The following ACTR3C variants were observed in gnomAD, a reference collection of about 807,000 sequenced individuals.
ACTR3C encodes the protein actin-related protein 3C.
Under a neutral mutation model 26.3 loss-of-function variants are expected in ACTR3C, and 18 were observed. That is an observed-to-expected ratio of 0.68 (90% CI 0.47 to 1.01). ACTR3C has a LOEUF of 1.01. Among genes scored for constraint, ACTR3C ranks in the 50% least tolerant of loss-of-function variants. ACTR3C has a pLI of 0.00. For synonymous variants in ACTR3C, 55 were observed against 94.5 expected, an observed-to-expected ratio of 0.58 and a Z score of 2.42; for missense variants, 184 against 250.7, an observed-to-expected ratio of 0.73 and a Z score of 1.80.
At chr7:149,934,664 G>A in the ACTR3C span, among the ~76,000 whole-genome samples, 1 of 150,084 alleles carries the variant, frequency 6.7e-6, no homozygotes, top group African/African-American at 2.5e-5. Flanking sequence ...CTCAGTTCTA[G>A]ACCAAGGCCT....
chr7:150,239,561 T>TATAA (rs1554447200), downstream of ACTR3C, among the ~76,000 whole-genome samples: 5 of 137,728 alleles, frequency 3.6e-5, no homozygotes, highest in Non-Finnish European at 7.6e-5. Context: ...TATATATATA[T>TATAA]AATTTATTAT....
the ACTR3C span, among the ~76,000 whole-genome samples, chr7:149,972,939 G>C: frequency 6.6e-6 from 1 of 150,984 alleles, no homozygotes; most frequent in Non-Finnish European, 1.5e-5. Context: ...CAGCATGTCT[G>C]TCCCAGGTAA....
At chr7:149,990,666 C>T in the ACTR3C span, among the ~76,000 whole-genome samples, 1,106 of 145,766 alleles carry the variant, frequency 7.6e-3, 9 homozygotes, top group African/African-American at 0.027. Context: ...CCAGGTAATG[C>T]TATGGGAGCA....
chr7:149,996,226 A>G, the ACTR3C span, among the ~76,000 whole-genome samples: 2 of 152,050 alleles, frequency 1.3e-5, no homozygotes, highest in African/African-American at 4.8e-5. Context: ...AAAGGGACGG[A>G]GTAAAGGAGG....
At chr7:150,219,720 C>T in the ACTR3C span, among the ~76,000 whole-genome samples, 1 of 142,918 alleles carries the variant, frequency 7.0e-6, no homozygotes, top group Non-Finnish European at 1.5e-5. Flanking sequence ...TCACTAATTT[C>T]CTGGAAATAA....
At chr7:150,040,729 A>C in the ACTR3C span, 3 of 146,462 alleles carry the variant, frequency 2.0e-5, no homozygotes, top group Non-Finnish European at 3.0e-5. Flanking sequence ...GTTCCTAAGG[A>C]TCTTAGGATC....
chr7:150,273,261 T>C (rs1834589185), intron 6 of ACTR3C, among the ~76,000 whole-genome samples: 1 of 136,842 alleles, frequency 7.3e-6, no homozygotes, highest in African/African-American at 3.2e-5. Context: ...TTTATTTCAC[T>C]GCTTATAGAG....
chr7:150,202,309 C>T, the ACTR3C span, among the ~76,000 whole-genome samples: 4 of 151,838 alleles, frequency 2.6e-5, no homozygotes, highest in African/African-American at 4.8e-5. Flanking sequence ...AAATATATTT[C>T]GGTTTTTGCT....
chr7:150,016,704 G>T, the ACTR3C span, among the ~76,000 whole-genome samples: 1 of 152,046 alleles, frequency 6.6e-6, no homozygotes, highest in South Asian at 2.1e-4. Context: ...CACCAAGACA[G>T]GTAGATCTCT....
At chr7:150,168,367 G>T in the ACTR3C span, among the ~76,000 whole-genome samples, 43 of 150,662 alleles carry the variant, frequency 2.9e-4, no homozygotes, top group Non-Finnish European at 5.0e-4. Flanking sequence ...CTCCTTATGA[G>T]AATCTAATAC....
intron 5 of ACTR3C, 34 bp from the exon 6 acceptor site, chr7:150,284,879 A>C (rs771822056): frequency 1.3e-6 from 2 of 1,585,184 alleles, no homozygotes; most frequent in Non-Finnish European, 1.7e-6. Context: ...GAAACATTAC[A>C]CATTTCTCTC....
intron 6 of ACTR3C, among the ~76,000 whole-genome samples, chr7:150,255,667 G>A (rs1300803666): frequency 6.6e-6 from 1 of 152,068 alleles, no homozygotes; most frequent in East Asian, 1.9e-4. Flanking sequence ...CATTTGCAGT[G>A]GCATGTCTTT....
chr7:150,196,944 A>G, the ACTR3C span, among the ~76,000 whole-genome samples: 1 of 152,200 alleles, frequency 6.6e-6, no homozygotes, highest in African/African-American at 2.4e-5. Flanking sequence ...TGTGGTTCTG[A>G]GCCTAGAATA....
At chr7:150,008,885 G>A in the ACTR3C span, among the ~76,000 whole-genome samples, 41 of 151,644 alleles carry the variant, frequency 2.7e-4, no homozygotes, top group Non-Finnish European at 1.2e-4. Context: ...CGGGGCTCCC[G>A]CAAGTCATGG....
At chr7:150,312,162 G>A (rs1387959677) in intron 1 of ACTR3C, among the ~76,000 whole-genome samples, 1 of 152,160 alleles carries the variant, frequency 6.6e-6, no homozygotes, top group Non-Finnish European at 1.5e-5. Context: ...CCCCACTCCA[G>A]AAGGCCAGTA....
At chr7:149,899,588 T>A in the ACTR3C span, among the ~76,000 whole-genome samples, 7 of 123,196 alleles carry the variant, frequency 5.7e-5, no homozygotes, top group South Asian at 2.6e-4. Context: ...AGACAGAAAA[T>A]AGACTGGAAG....
At chr7:150,030,831 G>A in the ACTR3C span, among the ~76,000 whole-genome samples, 1 of 152,084 alleles carries the variant, frequency 6.6e-6, no homozygotes, top group Non-Finnish European at 1.5e-5. Context: ...GCTGACCGCT[G>A]CATGCCCCTC....
the ACTR3C span, among the ~76,000 whole-genome samples, chr7:150,137,383 A>G: frequency 6.6e-6 from 1 of 152,178 alleles, no homozygotes; most frequent in Admixed American, 6.5e-5. Context: ...TCTACACTAA[A>G]GCCCCCATAG....
At chr7:149,925,135 CA>C in the ACTR3C span, among the ~76,000 whole-genome samples, 6 of 148,586 alleles carry the variant, frequency 4.0e-5, no homozygotes, top group African/African-American at 7.4e-5. Context: ...TTTATGATAG[CA>C]AAAAAAAATC....
Sources: allele counts gnomAD v4.1 joint callset (sites outside exome capture counted in the v4.1 genomes callset), GRCh38; gene constraint gnomAD v4.1.1; transcripts MANE v1.5; gene names NCBI Gene and HGNC (gene_info 2026-07-23, HGNC 2026-07-21).